The following NRXN1 variants were observed in gnomAD, a reference collection of about 807,000 sequenced individuals.
NRXN1 encodes neurexin-1.
A neutral mutation model predicts 150.9 loss-of-function variants in NRXN1; 39 were observed. The observed-to-expected ratio is 0.26, with a 90% CI of 0.20 to 0.34. The LOEUF is 0.34. NRXN1 is among the 10% of genes least tolerant of loss of function. The probability of loss-of-function intolerance (pLI) is 1.00; values close to 1 mark genes in which losing one functional copy is unlikely to be tolerated. For missense variants in NRXN1, 1,815 were observed against 1,949.9 expected (o/e 0.93, Z 1.30); for synonymous variants, 924 against 757.0 (o/e 1.22, Z -3.62).
rs760279230 is a variant in NRXN1, at chr2:50,552,836, T to C, written c.1510A>G (p.Ile504Val). ...PKWNAKKTGSISFDFRTTEPN... is the reference protein window; with the variant it reads ...PKWNAKKTGSVSFDFRTTEPN... Reference sequence around the variant, plus strand: ...TCTGTTGTACGGAAATCAAATGATATGGAGCCAGTTTTCTTTGCATTCCAT... The same window carrying C: ...TCTGTTGTACGGAAATCAAATGATACGGAGCCAGTTTTCTTTGCATTCCAT... Residue 504 changes from isoleucine to valine, a missense_variant, in exon 9 of 23, where the codon ATA (isoleucine) becomes GTA (valine). Ile to Val is a conservative substitution (Grantham distance 29, BLOSUM62 3). This residue lies in a region of NRXN1 where 638 missense variants were observed against 652.6 expected (regional missense o/e 0.98). Coordinates refer to ENST00000401669, the MANE Select transcript of NRXN1 (RefSeq NM_001330078.2). 1.3e-5 allele frequency: 21 copies of C among 1,613,874 alleles called. No individual in the cohort carries two copies. The highest frequency in any genetic ancestry group is 2.2e-5 in the South Asian group (2 of 91,092).
chr2:50,826,902 C>T (rs1670525557), intron 5 of NRXN1, among the ~76,000 whole-genome samples: 1 of 152,162 alleles, frequency 6.6e-6, no homozygotes, highest in South Asian at 2.1e-4. Context: ...TTAAACGCCA[C>T]AGTACTGAAT....
chr2:50,197,541 T>C (rs1044661008), intron 18 of NRXN1, among the ~76,000 whole-genome samples: 10 of 152,164 alleles, frequency 6.6e-5, no homozygotes, highest in Non-Finnish European at 1.5e-4. Context: ...CCTTTTACAC[T>C]ATTATATTTT....
At chr2:50,492,951 C>A (rs954828590) in intron 15 of NRXN1, among the ~76,000 whole-genome samples, 6 of 152,072 alleles carry the variant, frequency 3.9e-5, no homozygotes, top group African/African-American at 1.4e-4. Flanking sequence ...GCATCTCTCT[C>A]AAATGATTAC....
intron 17 of NRXN1, among the ~76,000 whole-genome samples, chr2:50,303,501 T>C (rs1475150223): frequency 1.3e-5 from 2 of 152,192 alleles, no homozygotes; most frequent in Admixed American, 6.5e-5. Flanking sequence ...TATCATGCAT[T>C]ACTCATGACT....
chr2:50,689,958 C>A (rs909950339), intron 5 of NRXN1, among the ~76,000 whole-genome samples: 4 of 151,452 alleles, frequency 2.6e-5, no homozygotes, highest in African/African-American at 9.7e-5. Context: ...GCGATCTCGG[C>A]TCACTGCAAC....
At chr2:50,285,250 T>A (rs942788869) in intron 17 of NRXN1, among the ~76,000 whole-genome samples, 27 of 152,302 alleles carry the variant, frequency 1.8e-4, no homozygotes, top group Admixed American at 3.9e-4. Flanking sequence ...CTTTATGAAT[T>A]TTTTATTTTA....
intron 5 of NRXN1, among the ~76,000 whole-genome samples, chr2:50,631,723 C>G (rs1190170510): frequency 6.6e-6 from 1 of 151,958 alleles, no homozygotes; most frequent in Non-Finnish European, 1.5e-5. Context: ...GAGAACCAAA[C>G]AGGCCATTCT....
intron 5 of NRXN1, among the ~76,000 whole-genome samples, chr2:50,749,478 C>A (rs1189556406): frequency 6.6e-6 from 1 of 151,992 alleles, no homozygotes; most frequent in Non-Finnish European, 1.5e-5. Flanking sequence ...GGAATTAGTG[C>A]ATAACCCTCT....
At chr2:50,926,039 T>C in intron 2 of NRXN1, 84 bp from the exon 3 acceptor site, 1 of 1,069,774 alleles carries the variant, frequency 9.3e-7, no homozygotes, top group Non-Finnish European at 1.4e-6. Context: ...TTGCATGTCT[T>C]CCTCATGCAA....
chr2:50,140,138 A>G (rs1400876121), intron 18 of NRXN1, among the ~76,000 whole-genome samples: 1 of 152,206 alleles, frequency 6.6e-6, no homozygotes, highest in Admixed American at 6.5e-5. Context: ...ATTAAAATAT[A>G]TACAGCATGA....
Position 50,552,808 on chromosome 2 carries a change from G to A in NRXN1, c.1538C>T (p.Pro513Leu), listed in dbSNP as rs1329302944. 1.9e-6 allele frequency: 3 copies of A among 1,613,890 alleles called. No homozygotes were observed. The highest frequency in any genetic ancestry group is 2.5e-6 in the Non-Finnish European group (3 of 1,179,826). Residue 513 changes from proline to leucine, a missense_variant, in exon 9 of 23, where the codon CCA (proline) becomes CTA (leucine). Transcript: ENST00000401669. ...SISFDFRTTE[P>L]NGLILFSHGK... ...ATGGCTAAATAAGATGAGGCCATTT[G>A]GCTCTGTTGTACGGAAATCAAATGA...
At chr2:50,762,108 T>C (rs988517377) in intron 5 of NRXN1, among the ~76,000 whole-genome samples, 18 of 112,112 alleles carry the variant, frequency 1.6e-4, no homozygotes, top group African/African-American at 6.1e-4. Flanking sequence ...AACTCATATA[T>C]ATATATATGT....
At chr2:50,888,840 C>A (rs1680646605) in intron 5 of NRXN1, among the ~76,000 whole-genome samples, 1 of 151,588 alleles carries the variant, frequency 6.6e-6, no homozygotes. Flanking sequence ...TACATTCTAT[C>A]TCTGATTAAG....
chr2:50,209,202 C>G (rs1392385532), intron 18 of NRXN1, among the ~76,000 whole-genome samples: 1 of 152,126 alleles, frequency 6.6e-6, no homozygotes, highest in East Asian at 1.9e-4. Context: ...TGCAAAAAGT[C>G]TAGTGAAGTT....
At chr2:50,602,306 T>A (rs901326357) in intron 8 of NRXN1, among the ~76,000 whole-genome samples, 4 of 151,750 alleles carry the variant, frequency 2.6e-5, no homozygotes, top group African/African-American at 9.7e-5. Flanking sequence ...AAAAAGAGGG[T>A]AGAGATCTCT....
At chr2:50,316,860 TGAAAGCAGTTACTGTGGAGTACAG>T (rs1484070820) in intron 17 of NRXN1, among the ~76,000 whole-genome samples, 1 of 152,004 alleles carries the variant, frequency 6.6e-6, no homozygotes, top group Non-Finnish European at 1.5e-5. Flanking sequence ...TAAGGTGAAC[TGAAAGCAGTTACTGTGGAGTACAG>T]TATCTACTAT....
chr2:50,642,638 G>A (rs1684238085), intron 5 of NRXN1, among the ~76,000 whole-genome samples: 1 of 151,962 alleles, frequency 6.6e-6, no homozygotes, highest in South Asian at 2.1e-4. Context: ...TGATTGGCAT[G>A]GATTTAGGGA....
intron 8 of NRXN1, among the ~76,000 whole-genome samples, chr2:50,554,125 G>A (rs1057257738): frequency 4.3e-4 from 65 of 151,878 alleles, no homozygotes; most frequent in Non-Finnish European, 4.7e-4. Context: ...CTAGACTCTA[G>A]ATTTATTTAT....
chr2:50,756,698 T>A (rs1396001488), intron 5 of NRXN1, among the ~76,000 whole-genome samples: 1 of 151,852 alleles, frequency 6.6e-6, no homozygotes, highest in Admixed American at 6.6e-5. Context: ...GTGGTTGATT[T>A]ACAAAGGGCT....
Sources: gnomAD v4.1 joint callset for allele counts (sites outside exome capture counted in the v4.1 genomes callset) on GRCh38, gnomAD v4.1.1 for gene constraint, gnomAD v4.1.1 regional missense constraint, MANE v1.5 for transcripts, NCBI Gene and HGNC (gene_info 2026-07-23, HGNC 2026-07-21) for gene names.